ASH1L: variants seen among roughly 807,000 people sequenced by gnomAD.
ASH1L encodes histone-lysine N-methyltransferase ASH1L.
ASH1L carries 23 observed loss-of-function variants against 269.0 expected under a neutral mutation model. The observed-to-expected ratio is 0.09, with a 90% CI of 0.06 to 0.12. The LOEUF (loss-of-function observed/expected upper bound fraction) is 0.12, where lower values mean the gene tolerates loss of function less well. ASH1L is among the 10% of genes least tolerant of loss of function. ASH1L has a pLI of 1.00. For synonymous variants in ASH1L, 1,187 were observed against 1,253.5 expected, an observed-to-expected ratio of 0.95 and a Z score of 1.12; for missense variants, 2,912 against 3,567.8, an observed-to-expected ratio of 0.82 and a Z score of 4.68.
At position 155,478,057 on chromosome 1, in the gene ASH1L, T is replaced by C. The variant is rs745555463; in HGVS notation, c.4813A>G (p.Asn1605Asp). The C allele has an allele frequency of 2.2e-5, 35 of 1,614,066 alleles. No homozygotes were observed. The highest frequency in any genetic ancestry group is 2.8e-5 in the Non-Finnish European group (33 of 1,180,038). Residue 1605 changes from asparagine (N) to aspartate (D), a missense_variant, in exon 3 of 28, where the codon AAC becomes GAC. Physicochemically the swap from Asn to Asp is conservative, Grantham distance 23. This residue lies in a region of ASH1L where 789 missense variants were observed against 897.6 expected (regional missense o/e 0.88). Coordinates refer to ENST00000392403, the MANE Select transcript of ASH1L (RefSeq NM_018489.3). This position sits in a 1 kb window ranked among gnomAD's most constrained non-coding sequence, Gnocchi z 4.6. The part of the protein sequence containing the change: ...SEPASSDEHT[N>D]LFTSAIGSCR... ...CTGCCTATTGCACTTGTGAAAAGGT[T>C]TGTATGTTCATCACTGCTGGCTGGC...
rs186929906 is a variant in ASH1L at position 155,527,022 on chromosome 1, C to T, written c.-99-5404G>A. Among the ~76,000 whole-genome samples the T allele has an allele frequency of 2.1e-4, 32 of 152,296 alleles. 1 individual carries two copies. Among genetic ancestry groups the T allele is most frequent in the African/African-American group, 7.2e-4 (30 of 41,574 alleles). ...AGATACTCAAGACCAGCTTGGCCAA[C>T]GTGGTGAAACCCCATCTCTACCAAA... is the stretch of plus-strand genomic sequence containing the variant. On this transcript the variant is annotated intron_variant, in intron 1 of 27. Transcript: ENST00000392403.
chr1:155,488,211 A>G (rs1202834102), intron 2 of ASH1L, among the ~76,000 whole-genome samples: 1 of 152,090 alleles, frequency 6.6e-6, no homozygotes, highest in Non-Finnish European at 1.5e-5. Context: ...CCTGAAATAA[A>G]TATCTGAGAG....
intron 21 of ASH1L, 77 bp downstream of exon 21, chr1:155,346,306 C>G: frequency 6.4e-7 from 1 of 1,561,056 alleles, no homozygotes. Flanking sequence ...TTCTGCAAAG[C>G]AGGAGCAGGA....
intron 2 of ASH1L, among the ~76,000 whole-genome samples, chr1:155,502,854 G>C (rs2148798615): frequency 6.6e-6 from 1 of 152,128 alleles, no homozygotes; most frequent in Non-Finnish European, 1.5e-5. Context: ...ATTTATCTTA[G>C]GTAATTTTAG....
chr1:155,488,234 G>A (rs185263985), intron 2 of ASH1L, among the ~76,000 whole-genome samples: 10 of 152,020 alleles, frequency 6.6e-5, no homozygotes, highest in African/African-American at 2.4e-4. Context: ...ATTAAAAGCA[G>A]TTTAAAACAG....
At chr1:155,351,527 T>G (rs573383586) in intron 17 of ASH1L, among the ~76,000 whole-genome samples, 47 of 151,360 alleles carry the variant, frequency 3.1e-4, no homozygotes, top group Non-Finnish European at 6.0e-4. Context: ...AACTCCAACC[T>G]GGGCGACAGA....
At chr1:155,417,618 G>A (rs1214751792) in intron 5 of ASH1L, among the ~76,000 whole-genome samples, 4 of 152,114 alleles carry the variant, frequency 2.6e-5, no homozygotes, top group Non-Finnish European at 4.4e-5. Flanking sequence ...AAGCCCAGAG[G>A]GTAATGTTAT....
chr1:155,518,912 T>C (rs1248715418), intron 2 of ASH1L, among the ~76,000 whole-genome samples: 1 of 152,114 alleles, frequency 6.6e-6, no homozygotes, highest in Admixed American at 6.6e-5. Context: ...AACTCATGCA[T>C]TGCTGATGGG....
intron 12 of ASH1L, among the ~76,000 whole-genome samples, chr1:155,365,372 ATTTTTTTTT>A (rs142145021): frequency 1.6e-5 from 2 of 124,236 alleles, no homozygotes; most frequent in Middle Eastern, 4.5e-3. Context: ...TGCCCGGCTG[ATTTTTTTTT>A]TTTTTTTTTT....
chr1:155,412,237 G>A lies in ASH1L; in HGVS notation c.6008+3507C>T, dbSNP rs187002868. Among the ~76,000 whole-genome samples the A allele has an allele frequency of 3.7e-3, 526 of 143,336 alleles. 2 individuals are homozygous for A. Among genetic ancestry groups the A allele is most frequent in the Non-Finnish European group, 5.8e-3 (383 of 66,042 alleles). 94.0% of individuals were successfully genotyped at this position (143,336 alleles called of 152,430 possible). On this transcript the variant is annotated intron_variant, in intron 6 of 27. Coordinates refer to ENST00000392403, the MANE Select transcript of ASH1L (RefSeq NM_018489.3). Reference sequence around the variant, plus strand: ...AGCTTGGGCAACAGAGCACGACTCCGTCTCAAAAAAAAAAAAAAAAATTTA... The same window carrying A: ...AGCTTGGGCAACAGAGCACGACTCCATCTCAAAAAAAAAAAAAAAAATTTA...
chr1:155,406,024 C>T (rs1187803866), intron 6 of ASH1L, among the ~76,000 whole-genome samples: 1 of 151,060 alleles, frequency 6.6e-6, no homozygotes, highest in African/African-American at 2.4e-5. Context: ...GCCAACATGG[C>T]AAAACCCTGG....
chr1:155,363,496 G>A (rs1655144835), intron 12 of ASH1L, among the ~76,000 whole-genome samples: 2 of 151,722 alleles, frequency 1.3e-5, no homozygotes, highest in Non-Finnish European at 2.9e-5. Context: ...TGCTTGCCTC[G>A]GCCTCCCAAA....
chr1:155,341,680 C>T (rs1043100338), intron 25 of ASH1L, among the ~76,000 whole-genome samples: 1 of 151,938 alleles, frequency 6.6e-6, no homozygotes, highest in African/African-American at 2.4e-5. Context: ...GAATGGGGCT[C>T]GCCAGCAAAG....
At position 155,478,539 on chromosome 1, in the gene ASH1L, T is replaced by A; in HGVS notation, c.4331A>T (p.His1444Leu). The change falls in exon 3 of 28, where the codon CAT (histidine) becomes CTT (leucine). Residue 1444 changes from histidine to leucine, a missense_variant. Physicochemically the swap from His to Leu is moderately conservative, Grantham distance 99 (BLOSUM62 -3). Transcript: ENST00000392403. This position sits in a 1 kb window ranked among gnomAD's most constrained non-coding sequence, Gnocchi z 4.6. ...LNPAKYHKKK[H>L]KLLRQEAFLT... ...AAAGGCCTCCTGTCGAAGTAGCTTA[T>A]GCTTTTTCTTATGGTATTTGGCAGG... The A allele has an allele frequency of 6.2e-7, 1 of 1,614,110 alleles. No individual in the cohort carries two copies. Among genetic ancestry groups the A allele is most frequent in the Non-Finnish European group, 8.5e-7 (1 of 1,180,018 alleles).
chr1:155,554,364 T>C (rs1260940570), intron 1 of ASH1L, among the ~76,000 whole-genome samples: 1 of 151,100 alleles, frequency 6.6e-6, no homozygotes, highest in East Asian at 2.0e-4. Flanking sequence ...CCTCTGCCTC[T>C]CGGGTTCAAG....
intron 2 of ASH1L, among the ~76,000 whole-genome samples, chr1:155,515,863 C>A (rs1487691349): frequency 1.3e-5 from 2 of 150,546 alleles, no homozygotes; most frequent in Admixed American, 1.3e-4. Flanking sequence ...AAATGCATGG[C>A]CCAAAACTGC....
In ASH1L at chr1:155,421,230, T is replaced by TA. The variant is rs67434918; in HGVS notation, c.5829-5308dup. 6.7e-3 allele frequency among the ~76,000 whole-genome samples: 643 copies of TA among 95,630 alleles called. 5 individuals are homozygous for TA. Among genetic ancestry groups the TA allele is most frequent in the African/African-American group, 0.017 (436 of 25,060 alleles). 62.7% of individuals were successfully genotyped at this position (95,630 alleles called of 152,430 possible). On this transcript the variant is annotated intron_variant, in intron 5 of 27. Transcript: ENST00000392403. ...GGCAACAGAGGAAGATTCTGTGTCT[T>TA]AAAAAAAAAAAAAAAAAAAAAAAGT... is the stretch of plus-strand genomic sequence containing the variant.
intron 17 of ASH1L, among the ~76,000 whole-genome samples, chr1:155,350,946 A>G (rs565488984): frequency 4.1e-5 from 6 of 146,966 alleles, no homozygotes; most frequent in South Asian, 4.3e-4. Context: ...AAGAAAAAGA[A>G]AAAAAAAAAG....
At chr1:155,395,366 A>C in intron 7 of ASH1L, 93 bp downstream of exon 7, 1 of 939,508 alleles carries the variant, frequency 1.1e-6, no homozygotes, top group Non-Finnish European at 1.5e-6. Flanking sequence ...CACTGGAGAA[A>C]TAGAAATAAT....
Sources: gnomAD v4.1 joint callset for allele counts (sites outside exome capture counted in the v4.1 genomes callset) on GRCh38, gnomAD v4.1.1 for gene constraint, gnomAD v4.1.1 regional missense constraint, Gnocchi (gnomAD v3.1) non-coding constraint, MANE v1.5 for transcripts, NCBI Gene and HGNC (gene_info 2026-07-23, HGNC 2026-07-21) for gene names.